Variants in POTEE observed in about 807,000 individuals in gnomAD.
POTEE encodes POTE ankyrin domain family member E, also known as ANKRD26-like family C member 1A.
POTEE carries 21 observed loss-of-function variants against 74.2 expected under a neutral mutation model. That is an observed-to-expected ratio of 0.28 (90% CI 0.20 to 0.41). POTEE has a LOEUF of 0.41. Among genes scored for constraint, POTEE ranks in the 10% least tolerant of loss-of-function variants. The pLI, the probability that POTEE is intolerant of heterozygous loss-of-function variation, is 1.00. For missense variants in POTEE, 525 were observed against 1,158.6 expected (o/e 0.45, Z 7.94); for synonymous variants, 211 against 432.8 (o/e 0.49, Z 6.36).
chr2:131,209,798 T>C lies in POTEE; in HGVS notation c.-366T>C, dbSNP rs1433738082. ...GTGGGACACTGCAGCTCGGCCAGAG[T>C]GGTAGAAATGTCCTGGTGTAGGTGA... On this transcript the variant is annotated 5_prime_UTR_variant, in exon 1 of 18. Coordinates refer to ENST00000683005, the MANE Select transcript of POTEE (RefSeq NM_001083538.3). Among the ~76,000 whole-genome samples, 1 of 151,688 alleles carries C rather than the reference T, an allele frequency of 6.6e-6. No homozygotes were observed.
chr2:131,210,546 A>G (rs1700336100), intron 1 of POTEE, among the ~76,000 whole-genome samples: 1 of 151,136 alleles, frequency 6.6e-6, no homozygotes, highest in Non-Finnish European at 1.5e-5. Context: ...TCCAGACTCC[A>G]GAGTTCCTGC....
intron 4 of POTEE, among the ~76,000 whole-genome samples, chr2:131,221,379 G>A (rs1700612090): frequency 6.6e-6 from 1 of 152,156 alleles, no homozygotes; most frequent in African/African-American, 2.4e-5. Flanking sequence ...ACATATACAC[G>A]AACAGAATCT....
In POTEE at chr2:131,263,843, G is replaced by A; in HGVS notation, c.2388G>A (p.Val796=). The change falls in exon 18 of 18, where the codon GTG becomes GTA. Residue 796 remains valine (V), a synonymous_variant. Coordinates refer to ENST00000683005, the MANE Select transcript of POTEE (RefSeq NM_001083538.3). ...ACACCTTCTACAACGAGCTGCGTGT[G>A]GCTCCCGAGGAGCACCCCATCCTGC... The part of the protein sequence containing the change: ...WHHTFYNELR[V]APEEHPILLT... The A allele has an allele frequency of 6.2e-7, 1 of 1,614,162 alleles. No individual in the cohort carries two copies. The highest frequency in any genetic ancestry group is 8.5e-7 in the Non-Finnish European group (1 of 1,180,034).
At chr2:131,235,518 A>G (rs952642295) in intron 9 of POTEE, among the ~76,000 whole-genome samples, 3 of 152,042 alleles carry the variant, frequency 2.0e-5, no homozygotes, top group Non-Finnish European at 4.4e-5. Context: ...AAATAAGGAC[A>G]AGTGTGGTGG....
rs201840435 is a variant in POTEE at position 131,218,806 on chromosome 2, T to C, written c.404T>C (p.Val135Ala). Residue 135 changes from valine (V) to alanine (A), a missense_variant, in exon 4 of 18, where the codon GTC (valine) becomes GCC (alanine). Transcript: ENST00000683005. ...DSAFMEPRYH[V>A]RGEDLDKLHR... is the part of the protein sequence containing the mutation. ...GCCTTCATGGAGCCCAGGTACCACG[T>C]CCGTGGAGAAGATCTGGACAAGCTC... 30 of 1,612,580 alleles carry C rather than the reference T, an allele frequency of 1.9e-5. No individual in the cohort carries two copies. The highest frequency in any genetic ancestry group is 2.4e-5 in the Non-Finnish European group (28 of 1,179,870).
intron 2 of POTEE, among the ~76,000 whole-genome samples, 135 bp downstream of exon 2, chr2:131,211,318 G>A (rs911444596): frequency 1.2e-4 from 18 of 151,672 alleles, no homozygotes; most frequent in African/African-American, 4.4e-4. Flanking sequence ...GGAAGGGGGA[G>A]TAGGAGCACT....
rs867153356 is a variant in POTEE, at chr2:131,220,960, C to G, written c.521+2037C>G. Among the ~76,000 whole-genome samples the G allele has an allele frequency of 7.1e-3, 827 of 116,958 alleles. 6 individuals carry two copies. The highest frequency in any genetic ancestry group is 0.028 in the African/African-American group (749 of 26,912). 76.7% of individuals were successfully genotyped at this position (116,958 alleles called of 152,430 possible). Reference sequence around the variant, plus strand: ...TGGGTGATAGAGTGAGACTCCATCTCAAAAAAAAAAAAAGAAAAAAAAAAA... The same window carrying G: ...TGGGTGATAGAGTGAGACTCCATCTGAAAAAAAAAAAAAGAAAAAAAAAAA... On this transcript the variant is annotated intron_variant, in intron 4 of 17. Coordinates refer to ENST00000683005, the MANE Select transcript of POTEE (RefSeq NM_001083538.3).
Position 131,211,134 on chromosome 2 carries a change from C to T in POTEE, c.-238C>T, listed in dbSNP as rs1214426739. On this transcript the variant is annotated 5_prime_UTR_variant, in exon 2 of 18. Transcript: ENST00000683005. ...CTGCATGTGGCGTGACTCTGCAGCT[C>T]GCCTCGTGTGACTGATGGCAGCCAC... Among the ~76,000 whole-genome samples, 19 of 151,852 alleles carry T rather than the reference C, an allele frequency of 1.3e-4. No homozygotes were observed. Among genetic ancestry groups the T allele is most frequent in the African/African-American group, 3.9e-4 (16 of 41,194 alleles).
chr2:131,263,870 G>T lies in POTEE; in HGVS notation c.2415G>T (p.Leu805=). 29 of 1,614,174 alleles carry T rather than the reference G, an allele frequency of 1.8e-5. No individual in the cohort carries two copies. Among genetic ancestry groups the T allele is most frequent in the Non-Finnish European group, 2.4e-5 (28 of 1,180,026 alleles). ...CTCCCGAGGAGCACCCCATCCTGCTGACCGAGGCCCCCCTGAACCCCAAGG... is the reference window on the plus strand; with the variant it reads ...CTCCCGAGGAGCACCCCATCCTGCTTACCGAGGCCCCCCTGAACCCCAAGG... The part of the protein sequence containing the change: ...RVAPEEHPIL[L]TEAPLNPKAN... The change falls in exon 18 of 18, where the codon CTG becomes CTT. Residue 805 remains leucine, a synonymous_variant. Coordinates refer to ENST00000683005, the MANE Select transcript of POTEE (RefSeq NM_001083538.3).
At chr2:131,237,571 G>C (rs1157750272) in intron 10 of POTEE, among the ~76,000 whole-genome samples, 8 of 151,598 alleles carry the variant, frequency 5.3e-5, no homozygotes, top group African/African-American at 1.9e-4. Flanking sequence ...GTACACATTA[G>C]AATATATTAG....
At chr2:131,226,473 CAAAAG>C (rs1700782948) in intron 6 of POTEE, among the ~76,000 whole-genome samples, 1 of 135,422 alleles carries the variant, frequency 7.4e-6, no homozygotes, top group Admixed American at 7.7e-5. Context: ...GATATAGAGA[CAAAAG>C]ATACAGCCCC....
chr2:131,256,732 A>AT (rs1218237847), intron 16 of POTEE, among the ~76,000 whole-genome samples: 79 of 137,536 alleles, frequency 5.7e-4, no homozygotes, highest in African/African-American at 2.2e-3. Flanking sequence ...AAAGAAACCC[A>AT]TTAAGGAATA....
chr2:131,216,268 C>T (rs563666684), intron 2 of POTEE, among the ~76,000 whole-genome samples: 2 of 152,176 alleles, frequency 1.3e-5, no homozygotes, highest in East Asian at 3.8e-4. Context: ...CTACTCAAAG[C>T]ATTCTACAGA....
At chr2:131,232,735 C>T (rs2105094451) in intron 9 of POTEE, among the ~76,000 whole-genome samples, 1 of 151,404 alleles carries the variant, frequency 6.6e-6, no homozygotes. Context: ...ATCCTAGGAT[C>T]CCACTTTTCC....
chr2:131,212,229 T>C lies in POTEE; in HGVS notation c.-189+1046T>C, dbSNP rs532957848. Reference sequence around the variant, plus strand: ...TTGAATAGCTATGCTTTCATGATTGTGTTAAACCACTTATGCCTAGTGTTC... The same window carrying C: ...TTGAATAGCTATGCTTTCATGATTGCGTTAAACCACTTATGCCTAGTGTTC... On this transcript the variant is annotated intron_variant, in intron 2 of 17. Coordinates refer to ENST00000683005, the MANE Select transcript of POTEE (RefSeq NM_001083538.3). Among the ~76,000 whole-genome samples the C allele has an allele frequency of 3.9e-5, 6 of 152,148 alleles. No individual in the cohort carries two copies. The East Asian group carries it at 1.2e-3, about 30-fold the overall frequency.
intron 13 of POTEE, among the ~76,000 whole-genome samples, chr2:131,248,127 A>T (rs1253394436): frequency 2.1e-5 from 3 of 145,460 alleles, no homozygotes; most frequent in African/African-American, 7.9e-5. Context: ...TGAAATAAAT[A>T]ACGTTAGAAA....
intron 8 of POTEE, among the ~76,000 whole-genome samples, chr2:131,230,283 A>G: frequency 6.6e-6 from 1 of 152,208 alleles, no homozygotes; most frequent in South Asian, 2.1e-4. Context: ...ATTTTCTGAA[A>G]ACTACAACAT....
chr2:131,231,414 A>G (rs934795325), intron 9 of POTEE, among the ~76,000 whole-genome samples: 1 of 151,984 alleles, frequency 6.6e-6, no homozygotes, highest in Admixed American at 6.6e-5. Context: ...GTGGTTCATA[A>G]TAGTCCATGG....
At chr2:131,233,057 A>G (rs1335953720) in intron 9 of POTEE, among the ~76,000 whole-genome samples, 1 of 152,012 alleles carries the variant, frequency 6.6e-6, no homozygotes, top group African/African-American at 2.4e-5. Flanking sequence ...ATCCCAATAG[A>G]CTTGGATTTC....
Sources: allele counts gnomAD v4.1 joint callset (sites outside exome capture counted in the v4.1 genomes callset), GRCh38; gene constraint gnomAD v4.1.1; transcripts MANE v1.5; gene names NCBI Gene and HGNC (gene_info 2026-07-23, HGNC 2026-07-21).